EGFLAM: variants seen among roughly 807,000 people sequenced by gnomAD.
EGFLAM encodes pikachurin.
EGFLAM carries 79 observed loss-of-function variants against 113.1 expected under a neutral mutation model. The observed-to-expected ratio is 0.70, with a 90% confidence interval of 0.58 to 0.84. The LOEUF (loss-of-function observed/expected upper bound fraction) is 0.84, where lower values mean the gene tolerates loss of function less well. Ranked by LOEUF, EGFLAM falls within the 40% of genes least tolerant of loss-of-function variation. The pLI is 0.00. For missense variants in EGFLAM, 1,265 were observed against 1,291.6 expected, an observed-to-expected ratio of 0.98 and a Z score of 0.32; for synonymous variants, 504 against 487.6, an observed-to-expected ratio of 1.03 and a Z score of -0.44.
chr5:38,262,860 C>T (rs1194613171), intron 1 of EGFLAM, among the ~76,000 whole-genome samples: 2 of 152,138 alleles, frequency 1.3e-5, no homozygotes, highest in South Asian at 2.1e-4. Context: ...GGGATCACTG[C>T]ATCACATGGC....
At chr5:38,428,074 C>G (rs1015433831) in intron 14 of EGFLAM, among the ~76,000 whole-genome samples, 1 of 152,214 alleles carries the variant, frequency 6.6e-6, no homozygotes, top group African/African-American at 2.4e-5. Context: ...CGCATGCAGA[C>G]ATGCTTCTTG....
At chr5:38,456,577 G>A (rs1043942313) in intron 19 of EGFLAM, among the ~76,000 whole-genome samples, 2 of 152,068 alleles carry the variant, frequency 1.3e-5, no homozygotes, top group Admixed American at 1.3e-4. Context: ...TTTGTCCCAG[G>A]GTTTGTCAAG....
rs182842277 is a variant in EGFLAM, at chr5:38,339,727, C to G, written c.291+946C>G. Among the ~76,000 whole-genome samples, 8 of 152,322 alleles carry G rather than the reference C, an allele frequency of 5.3e-5. No individual in the cohort carries two copies. The East Asian group carries it at 1.5e-3, about 29-fold the overall frequency. ...CGAGTAACAGCATCAACTGTAAACT[C>G]AGAGCTGACTGACCTCTGAGCCCCT... On this transcript the variant is annotated intron_variant, in intron 3 of 21. Transcript: ENST00000322350.
intron 11 of EGFLAM, 42 bp downstream of exon 11, chr5:38,412,690 C>T (rs1741523445): frequency 1.2e-6 from 2 of 1,600,466 alleles, no homozygotes; most frequent in Non-Finnish European, 1.7e-6. Flanking sequence ...ACATACCACC[C>T]ACCATAAGTC....
At chr5:38,412,178 T>TG (rs1171774979) in intron 10 of EGFLAM, among the ~76,000 whole-genome samples, 1 of 151,842 alleles carries the variant, frequency 6.6e-6, no homozygotes, top group African/African-American at 2.4e-5. Context: ...TGCTGAGGCT[T>TG]GGGGTACAGA....
chr5:38,361,254 T>C (rs1739913249), intron 5 of EGFLAM, among the ~76,000 whole-genome samples: 1 of 152,146 alleles, frequency 6.6e-6, no homozygotes, highest in Non-Finnish European at 1.5e-5. Flanking sequence ...TCAGGACTCC[T>C]CTTTAAGTGT....
At chr5:38,323,197 TTTG>T (rs1042143690) in intron 1 of EGFLAM, among the ~76,000 whole-genome samples, 1 of 152,226 alleles carries the variant, frequency 6.6e-6, no homozygotes, top group African/African-American at 2.4e-5. Flanking sequence ...AGATGATATT[TTTG>T]TTTGCATTTT....
intron 5 of EGFLAM, among the ~76,000 whole-genome samples, chr5:38,356,395 C>A (rs1739763164): frequency 1.3e-5 from 2 of 152,194 alleles, no homozygotes; most frequent in South Asian, 4.1e-4. Flanking sequence ...AGTATCTATA[C>A]ACGTAGACAC....
intron 12 of EGFLAM, among the ~76,000 whole-genome samples, chr5:38,421,550 A>C (rs1038284487): frequency 2.0e-5 from 3 of 152,226 alleles, no homozygotes; most frequent in Non-Finnish European, 4.4e-5. Context: ...AGTGCTTGTC[A>C]CAGTGCTGGG....
In EGFLAM at chr5:38,438,421, C is replaced by A; in HGVS notation, c.2430C>A (p.Cys810Ter). ...RPRKEGYDCD[C>*]PLGFEGLHCQ... ...GGAAGGAGGGCTATGACTGTGACTG[C>A]CCCTTGGGCTTTGAGGGGCTTCACT... The change falls in exon 17 of 22, where the codon TGC (cysteine) becomes TGA (stop). Residue 810 changes from cysteine to a stop codon, truncating the protein, a stop_gained. Coordinates refer to ENST00000322350, the MANE Select transcript of EGFLAM (RefSeq NM_152403.4). LOFTEE classifies it high-confidence loss of function. 6.2e-7 allele frequency: 1 copy of A among 1,612,592 alleles called. No individual in the cohort carries two copies. Among genetic ancestry groups the A allele is most frequent in the Non-Finnish European group, 8.5e-7 (1 of 1,179,122 alleles).
At chr5:38,434,745 T>C (rs1742290711) in intron 15 of EGFLAM, among the ~76,000 whole-genome samples, 2 of 152,182 alleles carry the variant, frequency 1.3e-5, no homozygotes, top group Admixed American at 6.5e-5. Flanking sequence ...TTTTCTCTTC[T>C]GCTCATGTTT....
chr5:38,406,268 C>G (rs1741282036), intron 7 of EGFLAM, 27 bp downstream of exon 7: 1 of 1,596,012 alleles, frequency 6.3e-7, no homozygotes, highest in South Asian at 1.1e-5. Flanking sequence ...CTCTTAAAAC[C>G]CAGGGTGTTT....
chr5:38,431,072 C>A, intron 14 of EGFLAM, 105 bp from the exon 15 acceptor site: 1 of 966,340 alleles, frequency 1.0e-6, no homozygotes, highest in Non-Finnish European at 1.6e-6. Context: ...CTACCAGAAA[C>A]ACACTCACAG....
At chr5:38,322,777 G>GA (rs1294926775) in intron 1 of EGFLAM, among the ~76,000 whole-genome samples, 1 of 152,210 alleles carries the variant, frequency 6.6e-6, no homozygotes, top group Non-Finnish European at 1.5e-5. Flanking sequence ...ATTTCAAAGG[G>GA]AAGCATGATT....
intron 6 of EGFLAM, among the ~76,000 whole-genome samples, chr5:38,387,716 T>C (rs1177053382): frequency 2.6e-5 from 4 of 152,286 alleles, no homozygotes; most frequent in East Asian, 3.8e-4. Context: ...TTAGTCAATA[T>C]GCCAATACCA....
At chr5:38,445,203 A>G (rs1337545786) in intron 17 of EGFLAM, among the ~76,000 whole-genome samples, 1 of 151,888 alleles carries the variant, frequency 6.6e-6, no homozygotes, top group Non-Finnish European at 1.5e-5. Flanking sequence ...TGAGGGCGAT[A>G]TTTTCCACTA....
At chr5:38,380,898 A>C (rs1740493145) in intron 6 of EGFLAM, among the ~76,000 whole-genome samples, 1 of 152,190 alleles carries the variant, frequency 6.6e-6, no homozygotes, top group Non-Finnish European at 1.5e-5. Flanking sequence ...TAGGTAGAGA[A>C]GAGAGACTAA....
rs180991408 is a variant in EGFLAM at position 38,462,101 on chromosome 5, G to A, written c.2772-807G>A. 6.7e-3 allele frequency among the ~76,000 whole-genome samples: 1,019 copies of A among 152,212 alleles called. 13 individuals carry two copies. The highest frequency in any genetic ancestry group is 0.023 in the African/African-American group (969 of 41,524). ...GAGAATGGCGTGAACCCCGGGGGGC[G>A]GAGCCTGCAGTGAGCCGAGATCGCG... On this transcript the variant is annotated intron_variant, in intron 20 of 21. Transcript: ENST00000322350.
intron 6 of EGFLAM, among the ~76,000 whole-genome samples, chr5:38,378,923 G>A (rs1200206845): frequency 6.6e-6 from 1 of 152,178 alleles, no homozygotes; most frequent in Non-Finnish European, 1.5e-5. Flanking sequence ...TCTTCAAGAT[G>A]AAGGAGATGT....
Sources: allele counts gnomAD v4.1 joint callset (sites outside exome capture counted in the v4.1 genomes callset), GRCh38; gene constraint gnomAD v4.1.1; transcripts MANE v1.5; gene names NCBI Gene and HGNC (gene_info 2026-07-23, HGNC 2026-07-21).